The following ADGRD1 variants were observed in gnomAD, a reference collection of about 807,000 sequenced individuals.
ADGRD1 encodes the protein adhesion G protein-coupled receptor D1.
Under a neutral mutation model 113.4 loss-of-function variants are expected in ADGRD1, and 77 were observed. The ratio of observed to expected loss-of-function variants is 0.68; its 90% CI spans 0.57 to 0.82. The LOEUF is 0.82. ADGRD1 is among the 40% of genes least tolerant of loss of function. The pLI, the probability that ADGRD1 is intolerant of heterozygous loss-of-function variation, is 0.00. For synonymous variants in ADGRD1, 474 were observed against 475.0 expected, an observed-to-expected ratio of 1.00 and a Z score of 0.03; for missense variants, 1,036 against 1,139.1, an observed-to-expected ratio of 0.91 and a Z score of 1.30.
chr12:131,065,196 T>C (rs1250128270), intron 13 of ADGRD1, among the ~76,000 whole-genome samples: 1 of 152,088 alleles, frequency 6.6e-6, no homozygotes, highest in Non-Finnish European at 1.5e-5. Context: ...GGGTTCAGGG[T>C]TGATTTTTTT....
chr12:130,989,586 C>T (rs73473242), intron 6 of ADGRD1: 7,170 of 152,302 alleles, frequency 0.047, 554 homozygotes, highest in African/African-American at 0.16. Flanking sequence ...CCAGCCAGGC[C>T]GGGCCTCGGT....
Position 131,075,423 on chromosome 12 carries a change from G to C in ADGRD1, c.1474-1378G>C, listed in dbSNP as rs747908140. ...TCTGTGCAAGAGTTCACAGCAGGCTGTGGCTTTGGGAAGACAGAGGAGAAG... is the reference window on the plus strand; with the variant it reads ...TCTGTGCAAGAGTTCACAGCAGGCTCTGGCTTTGGGAAGACAGAGGAGAAG... On this transcript the variant is annotated intron_variant, in intron 13 of 24. Transcript: ENST00000261654. This position sits in a 1 kb window ranked among gnomAD's most constrained non-coding sequence, Gnocchi z 5.3. 6.6e-6 allele frequency among the ~76,000 whole-genome samples: 1 copy of C among 152,202 alleles called. No individual in the cohort carries two copies. The highest frequency in any genetic ancestry group is 1.5e-5 in the Non-Finnish European group (1 of 68,040).
At chr12:130,967,133 T>A (rs180896425) in intron 3 of ADGRD1, 30 of 423,798 alleles carry the variant, frequency 7.1e-5, no homozygotes, top group African/African-American at 5.7e-4. Context: ...GGCCTATTGA[T>A]GAAGCAGATG....
chr12:131,049,631 C>G (rs1317874192), intron 13 of ADGRD1, among the ~76,000 whole-genome samples: 2 of 152,314 alleles, frequency 1.3e-5, no homozygotes, highest in African/African-American at 4.8e-5. Flanking sequence ...ATGGGATTGC[C>G]GGCCTCCCTG....
At chr12:131,000,312 G>A in intron 8 of ADGRD1, 71 bp from the exon 9 acceptor site, 1 of 1,176,392 alleles carries the variant, frequency 8.5e-7, no homozygotes, top group South Asian at 1.2e-5. Flanking sequence ...GAAGATGCGG[G>A]GAAAACTGAA....
At position 131,105,749 on chromosome 12, in the gene ADGRD1, C is replaced by T; in HGVS notation, c.1776-5C>T. 6.3e-7 allele frequency: 1 copy of T among 1,599,424 alleles called. No individual in the cohort carries two copies. The highest frequency in any genetic ancestry group is 8.5e-7 in the Non-Finnish European group (1 of 1,178,932). ...CCAGGCCTCACACCCTGCCTCTGTC[C>T]TCAGCTCCGTGAGCACCATCCGGAA... On this transcript the variant is annotated splice_polypyrimidine_tract_variant and splice_region_variant and intron_variant, in intron 16 of 24. Coordinates refer to ENST00000261654, the MANE Select transcript of ADGRD1 (RefSeq NM_198827.5).
chr12:130,960,516 A>G (rs2136475382), intron 2 of ADGRD1, among the ~76,000 whole-genome samples: 1 of 152,352 alleles, frequency 6.6e-6, no homozygotes, highest in Non-Finnish European at 1.5e-5. Context: ...TTTTCTAAAT[A>G]CTAGAATTAT....
intron 20 of ADGRD1, among the ~76,000 whole-genome samples, chr12:131,130,887 G>T (rs1270767079): frequency 2.0e-5 from 3 of 152,244 alleles, no homozygotes; most frequent in African/African-American, 7.2e-5. Flanking sequence ...TGTGAGGCCG[G>T]CGAGGTAGAG....
chr12:130,994,643 A>T (rs969251252), intron 8 of ADGRD1, among the ~76,000 whole-genome samples: 7 of 152,240 alleles, frequency 4.6e-5, no homozygotes, highest in African/African-American at 1.7e-4. Context: ...AATTAGACGA[A>T]TGTTGATTAA....
chr12:131,034,937 C>A (rs1881211722), intron 13 of ADGRD1, among the ~76,000 whole-genome samples: 1 of 152,224 alleles, frequency 6.6e-6, no homozygotes, highest in Non-Finnish European at 1.5e-5. Flanking sequence ...CCGCCCCCTT[C>A]AGCCCTCCCC....
chr12:131,026,843 C>T (rs1044606443), intron 13 of ADGRD1: 7 of 152,300 alleles, frequency 4.6e-5, no homozygotes, highest in African/African-American at 1.7e-4. Context: ...CTGGATGCTA[C>T]TCGTCACTAT....
Position 131,003,363 on chromosome 12 carries a change from A to C in ADGRD1, c.1144+61A>C. Reference sequence around the variant, plus strand: ...GGGCGGGGGCTGGAGGCTGCGTTTCACTGCCTGTCTTTTTACACCCTTAGC... The same window carrying C: ...GGGCGGGGGCTGGAGGCTGCGTTTCCCTGCCTGTCTTTTTACACCCTTAGC... On this transcript the variant is annotated intron_variant, in intron 10 of 24. Transcript: ENST00000261654. This position sits in a 1 kb window ranked among gnomAD's most constrained non-coding sequence, Gnocchi z 4.8. 1 of 1,132,246 alleles carries C rather than the reference A, an allele frequency of 8.8e-7. No homozygotes were observed. The highest frequency in any genetic ancestry group is 1.3e-6 in the Non-Finnish European group (1 of 748,954). The allele number at this position is 1,132,246 out of a possible 1,614,324, so 70.1% of individuals were successfully genotyped here.
At chr12:131,005,669 C>T (rs1303958944) in intron 11 of ADGRD1, among the ~76,000 whole-genome samples, 4 of 152,316 alleles carry the variant, frequency 2.6e-5, no homozygotes, top group African/African-American at 9.6e-5. Context: ...GAGCCTGGCT[C>T]TCCCTGCAGG....
intron 12 of ADGRD1, 35 bp from the exon 13 acceptor site, chr12:131,014,164 T>C: frequency 6.2e-7 from 1 of 1,604,334 alleles, no homozygotes; most frequent in Non-Finnish European, 8.5e-7. Context: ...TCCCCTGCGT[T>C]TCCCATTTTG....
rs528910624 is a variant in ADGRD1 at position 131,074,450 on chromosome 12, G to A, written c.1474-2351G>A. On this transcript the variant is annotated intron_variant, in intron 13 of 24. Coordinates refer to ENST00000261654, the MANE Select transcript of ADGRD1 (RefSeq NM_198827.5). ...GTTGAAGACTCCACAGGGAGGGAGC[G>A]CCTCATTCCCATTCCCCAGCCACCT... 3.9e-5 allele frequency among the ~76,000 whole-genome samples: 6 copies of A among 152,292 alleles called. No individual in the cohort carries two copies. The South Asian group carries it at 8.3e-4, about 21-fold the overall frequency.
chr12:131,110,629 G>C (rs1206044554), intron 18 of ADGRD1, among the ~76,000 whole-genome samples: 1 of 152,136 alleles, frequency 6.6e-6, no homozygotes, highest in Non-Finnish European at 1.5e-5. Context: ...TATTTATAGA[G>C]TTACATTAAC....
rs369379181 is a variant in ADGRD1 at position 130,982,064 on chromosome 12, G to A, written c.490+1G>A. The stretch of plus-strand genomic sequence containing the variant: ...TGGGAGGCCTCCTTCAGCCCCCCAG[G>A]TGAGTGACAGCATCGGTCCCGGGAG... On this transcript the variant is annotated splice_donor_variant, in intron 5 of 24. Transcript: ENST00000261654. LOFTEE classifies it high-confidence loss of function. 5.0e-6 allele frequency: 8 copies of A among 1,612,526 alleles called. No individual in the cohort carries two copies. In the African/African-American group the frequency reaches 8.0e-5, roughly 16 times the overall value.
intron 22 of ADGRD1, among the ~76,000 whole-genome samples, chr12:131,136,681 C>T (rs999072815): frequency 8.5e-5 from 13 of 152,254 alleles, no homozygotes; most frequent in Non-Finnish European, 1.5e-4. Flanking sequence ...GGCACGTCTT[C>T]CGGAAGTGCC....
intron 14 of ADGRD1, among the ~76,000 whole-genome samples, 165 bp downstream of exon 14, chr12:131,077,039 G>C (rs1438775662): frequency 1.3e-4 from 20 of 152,236 alleles, no homozygotes; most frequent in Admixed American, 1.3e-3. Flanking sequence ...CCTGGTGGCA[G>C]TGCTGGGTGG....
Sources: allele counts gnomAD v4.1 joint callset (sites outside exome capture counted in the v4.1 genomes callset), GRCh38; gene constraint gnomAD v4.1.1; non-coding constraint Gnocchi (gnomAD v3.1); transcripts MANE v1.5; gene names NCBI Gene and HGNC (gene_info 2026-07-23, HGNC 2026-07-21).